Variants in MRPS28 observed in about 807,000 individuals in gnomAD.
The protein encoded by MRPS28 is mitochondrial ribosomal protein S28.
MRPS28 carries 7 observed loss-of-function variants against 10.8 expected under a neutral mutation model. That is an observed-to-expected ratio of 0.65 (90% CI 0.37 to 1.22). MRPS28 has a LOEUF of 1.22. MRPS28 is among the 50% of genes most tolerant of loss of function. MRPS28 has a pLI of 0.02. For missense variants in MRPS28, 265 were observed against 232.9 expected (o/e 1.14, Z -0.90); for synonymous variants, 121 against 93.3 (o/e 1.30, Z -1.71).
chr8:79,919,223 C>A, intron 2 of MRPS28, 75 bp from the exon 3 acceptor site: 3 of 1,157,526 alleles, frequency 2.6e-6, no homozygotes, highest in South Asian at 5.6e-5. Flanking sequence ...TAACAACAAC[C>A]AAATTCCAAT....
intron 2 of MRPS28, among the ~76,000 whole-genome samples, chr8:79,956,229 A>C (rs1011808810): frequency 2.6e-5 from 4 of 152,140 alleles, no homozygotes; most frequent in Non-Finnish European, 5.9e-5. Flanking sequence ...TCCTAAGACA[A>C]GTTAATACTA....
intron 2 of MRPS28, among the ~76,000 whole-genome samples, chr8:79,994,953 G>A (rs117558372): frequency 6.6e-6 from 1 of 152,058 alleles, no homozygotes; most frequent in East Asian, 1.9e-4. Context: ...TCTCACTTTC[G>A]GCACTTAGTA....
At chr8:79,990,022 A>G (rs940867498) in intron 2 of MRPS28, among the ~76,000 whole-genome samples, 2 of 152,274 alleles carry the variant, frequency 1.3e-5, no homozygotes, top group Non-Finnish European at 1.5e-5. Flanking sequence ...TTAGCCAGGC[A>G]TGGTGGCAGA....
chr8:80,008,672 A>C (rs1477048472), intron 1 of MRPS28, among the ~76,000 whole-genome samples: 1 of 152,274 alleles, frequency 6.6e-6, no homozygotes, highest in Non-Finnish European at 1.5e-5. Context: ...CACATGAAAA[A>C]ATGTTCACCA....
intron 1 of MRPS28, among the ~76,000 whole-genome samples, chr8:80,020,861 T>C (rs1809338780): frequency 6.6e-6 from 1 of 152,202 alleles, no homozygotes; most frequent in Admixed American, 6.5e-5. Flanking sequence ...ATCTCTATCA[T>C]AACCCATAGG....
intron 2 of MRPS28, among the ~76,000 whole-genome samples, chr8:79,925,917 G>A (rs1433215059): frequency 6.6e-6 from 1 of 151,642 alleles, no homozygotes; most frequent in African/African-American, 2.4e-5. Flanking sequence ...AGCCTGGCTG[G>A]TCGAGGCTAT....
chr8:79,946,022 C>CA (rs146223032), intron 2 of MRPS28, among the ~76,000 whole-genome samples: 3,550 of 151,808 alleles, frequency 0.023, 146 homozygotes, highest in African/African-American at 0.08. Context: ...GGGACCAATC[C>CA]AAAAAAAACT....
intron 2 of MRPS28, among the ~76,000 whole-genome samples, chr8:79,949,555 TTCAA>T (rs1807027681): frequency 6.6e-6 from 1 of 152,224 alleles, no homozygotes; most frequent in Admixed American, 6.5e-5. Context: ...GCTTCCAGCA[TTCAA>T]TCAAACTACA....
chr8:79,922,247 C>T (rs948509440), intron 2 of MRPS28, among the ~76,000 whole-genome samples: 1 of 152,110 alleles, frequency 6.6e-6, no homozygotes, highest in South Asian at 2.1e-4. Flanking sequence ...CACAGCATGA[C>T]AAACCCCACA....
chr8:79,947,695 C>T (rs1395757838), intron 2 of MRPS28, among the ~76,000 whole-genome samples: 3 of 131,430 alleles, frequency 2.3e-5, no homozygotes, highest in African/African-American at 9.1e-5. Flanking sequence ...AGTGCAGTGG[C>T]GCGATCTCAG....
intron 2 of MRPS28, among the ~76,000 whole-genome samples, chr8:79,990,308 G>C (rs538646925): frequency 6.6e-6 from 1 of 152,204 alleles, no homozygotes; most frequent in East Asian, 1.9e-4. Context: ...GAGTTACCGA[G>C]TCCTATCAGT....
At chr8:79,953,765 T>C (rs181013896) in intron 2 of MRPS28, among the ~76,000 whole-genome samples, 9 of 152,228 alleles carry the variant, frequency 5.9e-5, no homozygotes, top group East Asian at 5.8e-4. Flanking sequence ...AGGCAAGCCA[T>C]AGAGTGGGAA....
chr8:80,015,948 A>C (rs1363856554), intron 1 of MRPS28, among the ~76,000 whole-genome samples: 2 of 152,118 alleles, frequency 1.3e-5, no homozygotes, highest in Non-Finnish European at 2.9e-5. Flanking sequence ...GAAAAAAAAA[A>C]ACTGTGACTC....
At chr8:80,016,750 A>C (rs1300400472) in intron 1 of MRPS28, among the ~76,000 whole-genome samples, 1 of 152,242 alleles carries the variant, frequency 6.6e-6, no homozygotes, top group African/African-American at 2.4e-5. Context: ...AATTATCTGA[A>C]GAAGTCGGAA....
intron 2 of MRPS28, among the ~76,000 whole-genome samples, chr8:79,992,250 T>C (rs1480956606): frequency 6.6e-6 from 1 of 152,314 alleles, no homozygotes; most frequent in Admixed American, 6.5e-5. Flanking sequence ...AGATAATACA[T>C]GTTTATTGTT....
At chr8:79,940,315 A>G (rs1247160459) in intron 2 of MRPS28, among the ~76,000 whole-genome samples, 1 of 152,236 alleles carries the variant, frequency 6.6e-6, no homozygotes, top group East Asian at 1.9e-4. Flanking sequence ...GCATTATTGT[A>G]CATATCATCT....
chr8:79,962,180 A>G (rs746497564), intron 2 of MRPS28, among the ~76,000 whole-genome samples: 21 of 151,642 alleles, frequency 1.4e-4, no homozygotes, highest in Non-Finnish European at 2.5e-4. Context: ...CTGAGTTCCC[A>G]GAGGGTAGTA....
intron 2 of MRPS28, among the ~76,000 whole-genome samples, chr8:79,932,681 A>T (rs928685138): frequency 2.6e-5 from 4 of 152,216 alleles, no homozygotes; most frequent in Non-Finnish European, 5.9e-5. Flanking sequence ...AGGGACAAGG[A>T]TGGAAAGACA....
chr8:79,921,618 T>C (rs984947250), intron 2 of MRPS28, among the ~76,000 whole-genome samples: 5 of 152,334 alleles, frequency 3.3e-5, no homozygotes, highest in African/African-American at 4.8e-5. Context: ...CTTGTGATTT[T>C]TGCACATTGA....
Sources: gnomAD v4.1 joint callset for allele counts (sites outside exome capture counted in the v4.1 genomes callset) on GRCh38, gnomAD v4.1.1 for gene constraint, MANE v1.5 for transcripts, NCBI Gene and HGNC (gene_info 2026-07-23, HGNC 2026-07-21) for gene names.